The following LHFPL3 variants were observed in gnomAD, a reference collection of about 807,000 sequenced individuals.
The protein encoded by LHFPL3 is LHFPL tetraspan subfamily member 3 protein.
A neutral mutation model predicts 19.3 loss-of-function variants in LHFPL3; 5 were observed. That is an observed-to-expected ratio of 0.26 (90% CI 0.14 to 0.54). LHFPL3 has a LOEUF of 0.54. LHFPL3 is among the 20% of genes least tolerant of loss of function. LHFPL3 has a pLI of 0.94. For missense variants in LHFPL3, 249 were observed against 307.4 expected (o/e 0.81, Z 1.42); for synonymous variants, 133 against 126.2 (o/e 1.05, Z -0.36).
At chr7:104,606,925 G>A (rs1391394117) in intron 1 of LHFPL3, among the ~76,000 whole-genome samples, 1 of 152,080 alleles carries the variant, frequency 6.6e-6, no homozygotes, top group Non-Finnish European at 1.5e-5. Flanking sequence ...ATGACTGCAG[G>A]AGGGTTCAGT....
intron 1 of LHFPL3, among the ~76,000 whole-genome samples, chr7:104,628,295 G>A (rs1246480925): frequency 6.6e-6 from 1 of 152,088 alleles, no homozygotes; most frequent in Non-Finnish European, 1.5e-5. Flanking sequence ...GTATTTAATT[G>A]CTGCAGCTAC....
chr7:104,448,968 T>C (rs1792381145), intron 1 of LHFPL3, among the ~76,000 whole-genome samples: 1 of 152,216 alleles, frequency 6.6e-6, no homozygotes, highest in Admixed American at 6.6e-5. Context: ...TCAATACTAA[T>C]AGAGTTACTT....
At chr7:104,611,269 C>T (rs147131044) in intron 1 of LHFPL3, among the ~76,000 whole-genome samples, 18 of 152,154 alleles carry the variant, frequency 1.2e-4, no homozygotes, top group African/African-American at 4.3e-4. Context: ...TATTGTTATC[C>T]CCAGTTTACA....
intron 2 of LHFPL3, among the ~76,000 whole-genome samples, chr7:104,855,665 C>A (rs892327761): frequency 7.2e-5 from 11 of 152,030 alleles, no homozygotes; most frequent in Non-Finnish European, 1.3e-4. Context: ...GCTCTGTCAC[C>A]CAGTCTGGAG....
intron 1 of LHFPL3, among the ~76,000 whole-genome samples, chr7:104,434,279 T>C (rs572321861): frequency 1.3e-5 from 2 of 152,370 alleles, no homozygotes; most frequent in African/African-American, 4.8e-5. Context: ...GACTACTTTA[T>C]TGGCTATTTA....
chr7:104,332,789 A>T (rs1801594846), intron 1 of LHFPL3, among the ~76,000 whole-genome samples: 1 of 152,158 alleles, frequency 6.6e-6, no homozygotes. Flanking sequence ...GAAGCACAGA[A>T]TTAGGAGCTA....
intron 1 of LHFPL3, among the ~76,000 whole-genome samples, chr7:104,401,411 A>T (rs1791310135): frequency 6.6e-6 from 1 of 152,226 alleles, no homozygotes; most frequent in South Asian, 2.1e-4. Flanking sequence ...TTAAGCTAAC[A>T]TTTTCATTAA....
chr7:104,905,070 G>A (rs1006886438), intron 2 of LHFPL3, among the ~76,000 whole-genome samples: 28 of 151,904 alleles, frequency 1.8e-4, no homozygotes, highest in Admixed American at 5.9e-4. Flanking sequence ...ATCCTCCCAC[G>A]TCAGCCCCTT....
At chr7:104,738,012 A>G (rs1176102282) in intron 2 of LHFPL3, among the ~76,000 whole-genome samples, 1 of 150,932 alleles carries the variant, frequency 6.6e-6, no homozygotes, top group African/African-American at 2.4e-5. Flanking sequence ...CGGGTAAACT[A>G]TGACATAGAA....
At position 104,609,194 on chromosome 7, in the gene LHFPL3, G is replaced by A. The variant is rs1238172034; in HGVS notation, c.446-127481G>A. 3.3e-5 allele frequency among the ~76,000 whole-genome samples: 5 copies of A among 152,096 alleles called. No homozygotes were observed. The South Asian group carries it at 8.3e-4, about 25-fold the overall frequency. On this transcript the variant is annotated intron_variant, in intron 1 of 2. Transcript: ENST00000424859. ...GTAGGAGAATTGCTTGAACCCGGGA[G>A]GCAGAGGTTGTAGTGAGCTGAGACC...
intron 1 of LHFPL3, among the ~76,000 whole-genome samples, chr7:104,521,689 A>T (rs13231658): frequency 0.013 from 2,030 of 152,336 alleles, 25 homozygotes; most frequent in Non-Finnish European, 0.021. Context: ...CAAATTTACA[A>T]GAAAAAAACA....
chr7:104,700,232 T>C (rs1227514487), intron 1 of LHFPL3, among the ~76,000 whole-genome samples: 1 of 152,232 alleles, frequency 6.6e-6, no homozygotes, highest in African/African-American at 2.4e-5. Flanking sequence ...CTTCCCAATA[T>C]TGGCTCAAAG....
intron 1 of LHFPL3, among the ~76,000 whole-genome samples, chr7:104,560,784 T>G (rs1177389699): frequency 6.8e-6 from 1 of 148,138 alleles, no homozygotes; most frequent in African/African-American, 2.6e-5. Flanking sequence ...AGGGTGTCAA[T>G]TTTGGATCTT....
chr7:104,350,588 T>C (rs1236154937), intron 1 of LHFPL3, among the ~76,000 whole-genome samples: 3 of 152,270 alleles, frequency 2.0e-5, no homozygotes, highest in Non-Finnish European at 2.9e-5. Context: ...CTGTTCTAGA[T>C]GCTGTTGAAA....
At chr7:104,537,401 T>G (rs932326847) in intron 1 of LHFPL3, among the ~76,000 whole-genome samples, 1 of 152,358 alleles carries the variant, frequency 6.6e-6, no homozygotes, top group South Asian at 2.1e-4. Flanking sequence ...GTTATTCTCT[T>G]GCTAAACTTC....
intron 1 of LHFPL3, chr7:104,668,492 T>C (rs1441462571): frequency 1.2e-6 from 2 of 1,612,866 alleles, no homozygotes; most frequent in Non-Finnish European, 1.7e-6. Flanking sequence ...TGGATCGATA[T>C]GGTGGCCGGG....
chr7:104,447,887 G>C (rs1019691520), intron 1 of LHFPL3, among the ~76,000 whole-genome samples: 2 of 151,980 alleles, frequency 1.3e-5, no homozygotes, highest in Non-Finnish European at 2.9e-5. Flanking sequence ...CAAATGTTCA[G>C]GACACATGTA....
chr7:104,773,424 C>T (rs1794590711), intron 2 of LHFPL3, among the ~76,000 whole-genome samples: 1 of 152,232 alleles, frequency 6.6e-6, no homozygotes, highest in South Asian at 2.1e-4. Flanking sequence ...TGATCCTCCA[C>T]AGTTGAGCAA....
At chr7:104,770,818 C>CTTCTGTGTT (rs1382732974) in intron 2 of LHFPL3, among the ~76,000 whole-genome samples, 2 of 152,188 alleles carry the variant, frequency 1.3e-5, no homozygotes, top group East Asian at 3.8e-4. Flanking sequence ...GTAAGTTCTC[C>CTTCTGTGTT]TTCTGTGTTT....
Sources: allele counts gnomAD v4.1 joint callset (sites outside exome capture counted in the v4.1 genomes callset), GRCh38; gene constraint gnomAD v4.1.1; transcripts MANE v1.5; gene names NCBI Gene and HGNC (gene_info 2026-07-23, HGNC 2026-07-21).